Variants in CAMK2D observed in about 807,000 individuals in gnomAD.
CAMK2D encodes the protein calcium/calmodulin dependent protein kinase II delta, also known as calcium/calmodulin-dependent protein kinase type II subunit delta.
In CAMK2D, 37 loss-of-function variants were observed where a neutral mutation model predicts 84.0. The observed-to-expected ratio is 0.44, with a 90% CI of 0.34 to 0.58. CAMK2D has a LOEUF of 0.58. Among genes scored for constraint, CAMK2D ranks in the 20% least tolerant of loss-of-function variants. CAMK2D has a pLI of 0.02. For synonymous variants in CAMK2D, 202 were observed against 212.5 expected (o/e 0.95, Z 0.43); for missense variants, 448 against 652.5 (o/e 0.69, Z 3.41).
chr4:113,454,582 G>C (rs977268712), intron 20 of CAMK2D, 67 bp from the exon 21 acceptor site: 2 of 769,494 alleles, frequency 2.6e-6, no homozygotes, highest in African/African-American at 3.4e-5. Flanking sequence ...AAATTGCTTT[G>C]CCATAGATTT....
At chr4:113,657,341 C>G (rs1294836991) in intron 3 of CAMK2D, among the ~76,000 whole-genome samples, 1 of 152,062 alleles carries the variant, frequency 6.6e-6, no homozygotes, top group Non-Finnish European at 1.5e-5. Context: ...GGATGCAAAG[C>G]TTTGGGAAAA....
intron 4 of CAMK2D, among the ~76,000 whole-genome samples, chr4:113,577,064 T>G (rs530861596): frequency 1.3e-5 from 2 of 152,330 alleles, no homozygotes; most frequent in Non-Finnish European, 1.5e-5. Context: ...ATTTTGTTTT[T>G]TGTTAGTTCT....
At chr4:113,675,761 T>G (rs1305388583) in intron 2 of CAMK2D, among the ~76,000 whole-genome samples, 5 of 152,206 alleles carry the variant, frequency 3.3e-5, no homozygotes. Flanking sequence ...GTGCATAAAA[T>G]TAAAAATAAT....
rs955262191 is a variant in CAMK2D at position 113,722,464 on chromosome 4, G to C, written c.160+36856C>G. ...TCAGAAATGGAGAAATAAAACAATGGAGTAGCTGACTGAGGCCAAAATAAT... is the reference window on the plus strand; with the variant it reads ...TCAGAAATGGAGAAATAAAACAATGCAGTAGCTGACTGAGGCCAAAATAAT... On this transcript the variant is annotated intron_variant, in intron 2 of 20. Coordinates refer to ENST00000511664, the MANE Select transcript of CAMK2D (RefSeq NM_001321571.2). Among the ~76,000 whole-genome samples, 57 of 152,096 alleles carry C rather than the reference G, an allele frequency of 3.7e-4. 1 individual carries two copies. The highest frequency in any genetic ancestry group is 2.9e-5 in the Non-Finnish European group (2 of 68,014).
intron 4 of CAMK2D, among the ~76,000 whole-genome samples, chr4:113,555,808 CTAACTCCCAAAG>C (rs1230977231): frequency 2.6e-5 from 4 of 152,102 alleles, no homozygotes; most frequent in Non-Finnish European, 4.4e-5. Flanking sequence ...GGTTAAAATC[CTAACTCCCAAAG>C]TGCTGATATT....
intron 2 of CAMK2D, among the ~76,000 whole-genome samples, chr4:113,675,116 C>T (rs1271826612): frequency 6.6e-6 from 1 of 152,204 alleles, no homozygotes; most frequent in East Asian, 1.9e-4. Flanking sequence ...TAATTCCTGA[C>T]TTTTCCCCTA....
rs147657997 is a variant in CAMK2D at position 113,536,100 on chromosome 4, C to T, written c.517+1241G>A. Among the ~76,000 whole-genome samples, 287 of 152,244 alleles carry T rather than the reference C, an allele frequency of 1.9e-3. 5 individuals carry two copies. The East Asian group carries it at 0.023, about 12-fold the overall frequency. ...ACAGACCTAATCTAGGCCCTACCTT[C>T]GTTCAGTTTGCAGTTAATGGGTACA... On this transcript the variant is annotated intron_variant, in intron 7 of 20. Coordinates refer to ENST00000511664, the MANE Select transcript of CAMK2D (RefSeq NM_001321571.2).
rs749967571 is a variant in CAMK2D at position 113,609,198 on chromosome 4, G to A, written c.229C>T (p.His77Tyr). The change falls in exon 4 of 21, where the codon CAT (histidine) becomes TAT (tyrosine). Residue 77 changes from histidine (H) to tyrosine (Y), a missense_variant. By Grantham distance (83) the His-to-Tyr change is moderately conservative. Coordinates refer to ENST00000511664, the MANE Select transcript of CAMK2D (RefSeq NM_001321571.2). The stretch of plus-strand genomic sequence containing the variant: ...AAGCCCTCTTCTGATATGCTATCAT[G>A]AAGTCGCACTAGAAAAAAATAAGAG... ...LLKHPNIVRL[H>Y]DSISEEGFHY... 1.3e-5 allele frequency: 20 copies of A among 1,575,972 alleles called. No individual in the cohort carries two copies. Among genetic ancestry groups the A allele is most frequent in the Admixed American group, 1.7e-5 (1 of 59,922 alleles).
At chr4:113,485,269 C>T (rs1217756861) in intron 16 of CAMK2D, among the ~76,000 whole-genome samples, 1 of 152,246 alleles carries the variant, frequency 6.6e-6, no homozygotes, top group South Asian at 2.1e-4. Flanking sequence ...GCTATTTCTG[C>T]CCACTAAAAT....
At chr4:113,619,527 C>A (rs1349902493) in intron 3 of CAMK2D, among the ~76,000 whole-genome samples, 2 of 152,130 alleles carry the variant, frequency 1.3e-5, no homozygotes, top group African/African-American at 4.8e-5. Context: ...TCATCCCTGG[C>A]CCATTGCACT....
intron 3 of CAMK2D, among the ~76,000 whole-genome samples, chr4:113,623,738 CTGTG>C (rs3064581): frequency 8.7e-5 from 13 of 148,926 alleles, no homozygotes; most frequent in East Asian, 2.0e-4. Flanking sequence ...TATGCAGTGA[CTGTG>C]TGTGTGTGTG....
At chr4:113,739,625 TTGA>T (rs2099588448) in intron 2 of CAMK2D, among the ~76,000 whole-genome samples, 2 of 152,156 alleles carry the variant, frequency 1.3e-5, no homozygotes, top group African/African-American at 4.8e-5. Flanking sequence ...CAATAATAGG[TTGA>T]TGTTTCTTTG....
chr4:113,512,482 C>CAGTT (rs2098227773), intron 12 of CAMK2D, among the ~76,000 whole-genome samples: 1 of 152,204 alleles, frequency 6.6e-6, no homozygotes, highest in African/African-American at 2.4e-5. Context: ...ATACCTTTGA[C>CAGTT]AGTTGTAATC....
intron 12 of CAMK2D, among the ~76,000 whole-genome samples, chr4:113,510,720 TG>T (rs1292875966): frequency 3.9e-5 from 6 of 152,174 alleles, no homozygotes; most frequent in Non-Finnish European, 5.9e-5. Context: ...GCTTCGAAAG[TG>T]GAAATACCTA....
intron 3 of CAMK2D, among the ~76,000 whole-genome samples, chr4:113,652,491 T>C (rs146979218): frequency 9.1e-4 from 139 of 152,252 alleles, no homozygotes; most frequent in African/African-American, 3.2e-3. Context: ...GATTTTTAAG[T>C]GAACAAAAAG....
chr4:113,467,598 G>C (rs2097490517), intron 16 of CAMK2D, among the ~76,000 whole-genome samples: 1 of 152,150 alleles, frequency 6.6e-6, no homozygotes, highest in African/African-American at 2.4e-5. Flanking sequence ...TTTATATAAA[G>C]TAATATAACA....
chr4:113,527,650 A>C (rs1373008888), intron 8 of CAMK2D, among the ~76,000 whole-genome samples: 1 of 152,180 alleles, frequency 6.6e-6, no homozygotes, highest in Non-Finnish European at 1.5e-5. Context: ...TCCCTAGCAT[A>C]AACTATTAGC....
chr4:113,621,539 A>C (rs2099046312), intron 3 of CAMK2D, among the ~76,000 whole-genome samples: 1 of 152,224 alleles, frequency 6.6e-6, no homozygotes, highest in African/African-American at 2.4e-5. Flanking sequence ...TAGAGTCTTC[A>C]TTCAGAGATT....
intron 8 of CAMK2D, among the ~76,000 whole-genome samples, chr4:113,518,751 C>G (rs1381444183): frequency 6.6e-6 from 1 of 152,154 alleles, no homozygotes; most frequent in African/African-American, 2.4e-5. Flanking sequence ...CTCTTGGTCT[C>G]TGTACCTAGG....
Sources: allele counts gnomAD v4.1 joint callset (sites outside exome capture counted in the v4.1 genomes callset), GRCh38; gene constraint gnomAD v4.1.1; transcripts MANE v1.5; gene names NCBI Gene and HGNC (gene_info 2026-07-23, HGNC 2026-07-21).